ITGA10: variants seen among roughly 807,000 people sequenced by gnomAD.
ITGA10 encodes the protein integrin subunit alpha 10, also known as integrin alpha-10.
ITGA10 carries 105 observed loss-of-function variants against 145.2 expected under a neutral mutation model. The ratio of observed to expected loss-of-function variants is 0.72; its 90% confidence interval spans 0.62 to 0.85. The LOEUF is 0.85. ITGA10 is among the 40% of genes least tolerant of loss of function. The pLI, the probability that ITGA10 is intolerant of heterozygous loss-of-function variation, is 0.00. For synonymous variants in ITGA10, 506 were observed against 557.8 expected (o/e 0.91, Z 1.31); for missense variants, 1,317 against 1,444.5 (o/e 0.91, Z 1.43).
At position 145,893,220 on chromosome 1, in the gene ITGA10, T is replaced by C. The variant is rs1553743775; in HGVS notation, c.3379A>G (p.Ile1127Val). ...RPILISLWIL[I>V]GSVLGGLLLL... ...AGCAACCCTCCCAGGACACTGCCTA[T>C]GAGGATCCACAGGGAGATGAGGATA... Residue 1127 changes from isoleucine to valine, a missense_variant, in exon 29 of 30, where the codon ATA becomes GTA. Transcript: ENST00000369304. 3 of 1,614,134 alleles carry C rather than the reference T, an allele frequency of 1.9e-6. No homozygotes were observed. The highest frequency in any genetic ancestry group is 1.7e-5 in the Admixed American group (1 of 60,028).
chr1:145,902,313 T>A lies in ITGA10; in HGVS notation c.1082A>T (p.His361Leu), dbSNP rs1178120487. The stretch of plus-strand genomic sequence containing the variant: ...CCCAAAGGAGCTTTCGTTTTCTGCA[T>A]GGGACCCTTGGTCATGAGAAAACAT... ...GDRIFGLEGS[H>L]AENESSFGLE... is the part of the protein sequence containing the mutation. Residue 361 changes from histidine (H) to leucine (L), a missense_variant, in exon 10 of 30, where the codon CAT (histidine) becomes CTT (leucine). Coordinates refer to ENST00000369304, the MANE Select transcript of ITGA10 (RefSeq NM_003637.5). 1.9e-6 allele frequency: 3 copies of A among 1,614,026 alleles called. No individual in the cohort carries two copies. The highest frequency in any genetic ancestry group is 2.5e-6 in the Non-Finnish European group (3 of 1,180,000).
rs782448806 is a variant in ITGA10 at position 145,897,348 on chromosome 1, A to G, written c.2575-9T>C. Reference sequence around the variant, plus strand: ...TTTATTGGGCTCTCTCTCTGAGGGCAGGGGAATGGAGATAGAAGCTGGAGC... The same window carrying G: ...TTTATTGGGCTCTCTCTCTGAGGGCGGGGGAATGGAGATAGAAGCTGGAGC... On this transcript the variant is annotated splice_polypyrimidine_tract_variant and intron_variant, in intron 20 of 29. Transcript: ENST00000369304. The G allele has an allele frequency of 5.0e-6, 8 of 1,613,764 alleles. No individual in the cohort carries two copies. The highest frequency in any genetic ancestry group is 5.9e-6 in the Non-Finnish European group (7 of 1,179,664).
intron 27 of ITGA10, 119 bp downstream of exon 27, chr1:145,895,161 T>G: frequency 1.5e-6 from 1 of 659,674 alleles, no homozygotes; most frequent in Non-Finnish European, 2.7e-6. Context: ...TTGCTCATGG[T>G]CAAATAGCTA....
intron 23 of ITGA10, 106 bp downstream of exon 23, chr1:145,896,663 G>A (rs1275545574): frequency 2.2e-6 from 2 of 914,212 alleles, no homozygotes; most frequent in East Asian, 2.4e-5. Context: ...GCAGCCGCAA[G>A]GGCTTGGGTT....
intron 1 of ITGA10, among the ~76,000 whole-genome samples, chr1:145,908,192 G>GA (rs140535700): frequency 0.03 from 4,595 of 152,202 alleles, 115 homozygotes; most frequent in Middle Eastern, 0.048. Flanking sequence ...AAAATAGGGG[G>GA]AATGAAAGGA....
intron 28 of ITGA10, 108 bp from the exon 29 acceptor site, chr1:145,893,382 C>T (rs1553743840): frequency 2.0e-6 from 2 of 978,898 alleles, no homozygotes. Context: ...CCTCCTGCTA[C>T]TTAAAGGAAA....
chr1:145,904,534 A>ATT, intron 6 of ITGA10, 150 bp downstream of exon 6: 18 of 752,614 alleles, frequency 2.4e-5, no homozygotes, highest in Non-Finnish European at 2.7e-5. Flanking sequence ...ATGCCTGGCT[A>ATT]TTTTTTTTTT....
intron 28 of ITGA10, 65 bp from the exon 29 acceptor site, chr1:145,893,339 A>G (rs2101741319): frequency 8.4e-7 from 1 of 1,191,048 alleles, no homozygotes; most frequent in Non-Finnish European, 1.3e-6. Context: ...ACCCCACATT[A>G]TATCAAAGCC....
Position 145,901,275 on chromosome 1 carries a change from C to A in ITGA10, c.1447G>T (p.Gly483Cys). The A allele has an allele frequency of 6.2e-7, 1 of 1,614,070 alleles. No homozygotes were observed. Among genetic ancestry groups the A allele is most frequent in the Non-Finnish European group, 8.5e-7 (1 of 1,179,992 alleles). The change falls in exon 13 of 30, where the codon GGT (glycine) becomes TGT (cysteine). Residue 483 changes from glycine (G) to cysteine (C), a missense_variant. Coordinates refer to ENST00000369304, the MANE Select transcript of ITGA10 (RefSeq NM_003637.5). The surrounding 1 kb of genome is among the most constrained non-coding windows in gnomAD (Gnocchi z 4.3). Reference sequence around the variant, plus strand: ...CAGAGCTCACTGCCAAAGTATGAACCAATCTGGGGAATGGTGGGTGATGAT... The same window carrying A: ...CAGAGCTCACTGCCAAAGTATGAACAAATCTGGGGAATGGTGGGTGATGAT... ...VAQSLQGEQI[G>C]SYFGSELCPL...
rs782422341 is a variant in ITGA10, at chr1:145,902,294, G to A, written c.1101C>T (p.Ser367=). 3 of 1,614,038 alleles carry A rather than the reference G, an allele frequency of 1.9e-6. No individual in the cohort carries two copies. The highest frequency in any genetic ancestry group is 1.7e-5 in the Admixed American group (1 of 59,992). ...LEGSHAENES[S]FGLEMSQIGF... ...CAATCTGAGACATTTCCAGCCCAAAGGAGCTTTCGTTTTCTGCATGGGACC... is the reference window on the plus strand; with the variant it reads ...CAATCTGAGACATTTCCAGCCCAAAAGAGCTTTCGTTTTCTGCATGGGACC... Residue 367 remains serine (S), a synonymous_variant, in exon 10 of 30, where the codon TCC becomes TCT. Transcript: ENST00000369304.
chr1:145,903,045 AC>A, intron 7 of ITGA10, 84 bp from the exon 8 acceptor site: 1 of 963,186 alleles, frequency 1.0e-6, no homozygotes, highest in Non-Finnish European at 1.5e-6. Context: ...ACACACACAC[AC>A]ACACACACAC....
In ITGA10 at chr1:145,906,803, G is replaced by C. The variant is rs587745961; in HGVS notation, c.296C>G (p.Ser99Ter). ...GHLGDYQLGN[S>*]SHPAVNMHLG... ...GTGCATATTCACAGCAGGATGAGAT[G>C]AATTTCCCAGTTGGTAGTCACCTGG... The change falls in exon 4 of 30, where the codon TCA becomes TGA. Residue 99 changes from serine to a stop codon, truncating the protein, a stop_gained. Transcript: ENST00000369304. LOFTEE classifies it high-confidence loss of function. 1 of 1,613,536 alleles carries C rather than the reference G, an allele frequency of 6.2e-7. No homozygotes were observed. Among genetic ancestry groups the C allele is most frequent in the African/African-American group, 1.3e-5 (1 of 75,026 alleles).
intron 27 of ITGA10, among the ~76,000 whole-genome samples, chr1:145,894,513 T>C (rs1553744237): frequency 1.3e-5 from 2 of 152,210 alleles, no homozygotes; most frequent in Non-Finnish European, 2.9e-5. Context: ...TTTATTGGAC[T>C]TAACTTCCCT....
Position 145,898,102 on chromosome 1 carries a change from C to T in ITGA10, c.2346+8G>A. Reference sequence around the variant, plus strand: ...TGGGAGCAAGGGGCAGGGCATGGCACTGCTGACCAGCTTTTGTATAGAGGT... The same window carrying T: ...TGGGAGCAAGGGGCAGGGCATGGCATTGCTGACCAGCTTTTGTATAGAGGT... On this transcript the variant is annotated splice_region_variant and intron_variant, in intron 18 of 29. Transcript: ENST00000369304. 1 of 1,602,820 alleles carries T rather than the reference C, an allele frequency of 6.2e-7. No homozygotes were observed. Among genetic ancestry groups the T allele is most frequent in the South Asian group, 1.1e-5 (1 of 90,840 alleles).
chr1:145,901,288 G>A lies in ITGA10; in HGVS notation c.1444-10C>T. On this transcript the variant is annotated splice_polypyrimidine_tract_variant and intron_variant, in intron 12 of 29. Coordinates refer to ENST00000369304, the MANE Select transcript of ITGA10 (RefSeq NM_003637.5). This position sits in a 1 kb window ranked among gnomAD's most constrained non-coding sequence, Gnocchi z 4.3. Reference sequence around the variant, plus strand: ...CAAAGTATGAACCAATCTGGGGAATGGTGGGTGATGATGACCCCAGAGAAA... The same window carrying A: ...CAAAGTATGAACCAATCTGGGGAATAGTGGGTGATGATGACCCCAGAGAAA... 1 of 1,613,724 alleles carries A rather than the reference G, an allele frequency of 6.2e-7. No homozygotes were observed. Among genetic ancestry groups the A allele is most frequent in the Non-Finnish European group, 8.5e-7 (1 of 1,179,770 alleles).
At chr1:145,904,305 G>T in intron 6 of ITGA10, 105 bp from the exon 7 acceptor site, 1 of 1,063,884 alleles carries the variant, frequency 9.4e-7, no homozygotes, top group Non-Finnish European at 1.4e-6. Flanking sequence ...GGATACTACT[G>T]AAGACAACAC....
chr1:145,893,244 T>C lies in ITGA10; in HGVS notation c.3355A>G (p.Ile1119Val), dbSNP rs782118702. ...SLLEVVQTRP[I>V]LISLWILIGS... Reference sequence around the variant, plus strand: ...ATGAGGATCCACAGGGAGATGAGGATAGGCCGGGTCTGAACCACCTCCAAG... The same window carrying C: ...ATGAGGATCCACAGGGAGATGAGGACAGGCCGGGTCTGAACCACCTCCAAG... Residue 1119 changes from isoleucine to valine, a missense_variant, in exon 29 of 30, where the codon ATC (isoleucine) becomes GTC (valine). Physicochemically the swap from Ile to Val is conservative, Grantham distance 29. Coordinates refer to ENST00000369304, the MANE Select transcript of ITGA10 (RefSeq NM_003637.5). 2 of 1,614,086 alleles carry C rather than the reference T, an allele frequency of 1.2e-6. No homozygotes were observed. The highest frequency in any genetic ancestry group is 1.7e-6 in the Non-Finnish European group (2 of 1,179,974).
At chr1:145,907,320 T>C in intron 2 of ITGA10, 34 bp downstream of exon 2, 1 of 1,614,098 alleles carries the variant, frequency 6.2e-7, no homozygotes, top group Non-Finnish European at 8.5e-7. Flanking sequence ...ACTACTGCAG[T>C]CCCAATCCCC....
Position 145,897,100 on chromosome 1 carries a change from G to T in ITGA10, c.2668-13C>A. On this transcript the variant is annotated splice_polypyrimidine_tract_variant and intron_variant, in intron 21 of 29. Transcript: ENST00000369304. ...GCAGAAAGGTCACCTAGGGGCAGGG[G>T]ACACAGGGTAATGGTAGAGTCTTCC... 6.2e-7 allele frequency: 1 copy of T among 1,610,136 alleles called. No homozygotes were observed. Among genetic ancestry groups the T allele is most frequent in the Non-Finnish European group, 8.5e-7 (1 of 1,176,364 alleles).
Sources: allele counts gnomAD v4.1 joint callset (sites outside exome capture counted in the v4.1 genomes callset), GRCh38; gene constraint gnomAD v4.1.1; non-coding constraint Gnocchi (gnomAD v3.1); transcripts MANE v1.5; gene names NCBI Gene and HGNC (gene_info 2026-07-23, HGNC 2026-07-21).